UBE3B: variants seen among roughly 807,000 people sequenced by gnomAD.
UBE3B encodes the protein ubiquitin-protein ligase E3B.
UBE3B carries 80 observed loss-of-function variants against 132.3 expected under a neutral mutation model. The ratio of observed to expected loss-of-function variants is 0.60; its 90% CI spans 0.50 to 0.73. The LOEUF is 0.73. UBE3B is among the 30% of genes least tolerant of loss of function. UBE3B has a pLI of 0.00. For missense variants in UBE3B, 1,196 were observed against 1,362.5 expected (o/e 0.88, Z 1.92); for synonymous variants, 487 against 520.4 (o/e 0.94, Z 0.87).
At chr12:109,510,910 G>C (rs1192141051) in intron 17 of UBE3B, among the ~76,000 whole-genome samples, 1 of 152,144 alleles carries the variant, frequency 6.6e-6, no homozygotes, top group Non-Finnish European at 1.5e-5. Context: ...AAGCTTTATG[G>C]CAACTGCTGA....
intron 5 of UBE3B, 103 bp downstream of exon 5, chr12:109,486,174 G>A: frequency 8.2e-7 from 1 of 1,222,462 alleles, no homozygotes. Context: ...ACACACAAAT[G>A]CAAATAAGTA....
chr12:109,495,416 T>G (rs1196825978), intron 9 of UBE3B, among the ~76,000 whole-genome samples: 1 of 152,218 alleles, frequency 6.6e-6, no homozygotes, highest in Non-Finnish European at 1.5e-5. Context: ...CTCATACACT[T>G]TATTCATTTA....
rs750411366 is a variant in UBE3B, at chr12:109,497,892, T to C, written c.788T>C (p.Leu263Pro). ...ATCCACATCATGTCTGTGCCTGCTC[T>C]GGTGACTCATCTCAGCACAGTGACC... ...FLIHIMSVPA[L>P]VTHLSTVTPE... The change falls in exon 10 of 28, where the codon CTG becomes CCG. Residue 263 changes from leucine to proline, a missense_variant. By Grantham distance (98) the Leu-to-Pro change is moderately conservative. Coordinates refer to ENST00000342494, the MANE Select transcript of UBE3B (RefSeq NM_130466.4). 3 of 1,614,106 alleles carry C rather than the reference T, an allele frequency of 1.9e-6. No homozygotes were observed. Among genetic ancestry groups the C allele is most frequent in the Non-Finnish European group, 2.5e-6 (3 of 1,180,050 alleles).
chr12:109,523,899 C>T (rs570459227), intron 21 of UBE3B, 79 bp from the exon 22 acceptor site: 1 of 1,587,090 alleles, frequency 6.3e-7, no homozygotes, highest in East Asian at 2.2e-5. Flanking sequence ...TGGGCCATGT[C>T]TGCACCCTGA....
Position 109,483,953 on chromosome 12 carries a change from TC to T in UBE3B, c.256del (p.Leu86TyrfsTer19), listed in dbSNP as rs771222229. The part of the protein sequence containing the change: ...CIFKIARKLL[F>X]LFRIKEDNER... ...TTCAAGATTGCCAGGAAACTGCTGT[TC>T]CTATTCAGAATCAAAGAGGATAATG... On this transcript the variant is annotated frameshift_variant, in exon 4 of 28. Coordinates refer to ENST00000342494, the MANE Select transcript of UBE3B (RefSeq NM_130466.4). LOFTEE classifies it high-confidence loss of function. The T allele has an allele frequency of 1.9e-6, 3 of 1,613,918 alleles. No homozygotes were observed. In the African/African-American group the frequency reaches 4.0e-5, roughly 22 times the overall value.
rs1566110328 is a variant in UBE3B at position 109,524,522 on chromosome 12, T to C, written c.2568+19T>C. On this transcript the variant is annotated intron_variant, in intron 23 of 27. Coordinates refer to ENST00000342494, the MANE Select transcript of UBE3B (RefSeq NM_130466.4). ...GGGTCAGGTAGGTCCGCCCTTTGGC[T>C]GAGCTCCCTTTCCACTGCCCCCATG... 6.2e-7 allele frequency: 1 copy of C among 1,613,052 alleles called. No individual in the cohort carries two copies.
intron 14 of UBE3B, among the ~76,000 whole-genome samples, chr12:109,506,768 C>T (rs1320107582): frequency 6.6e-6 from 1 of 152,200 alleles, no homozygotes; most frequent in East Asian, 1.9e-4. Context: ...TATTTTGAGT[C>T]CTTAAGTAAG....
intron 9 of UBE3B, among the ~76,000 whole-genome samples, chr12:109,496,476 T>C (rs1878222230): frequency 6.6e-6 from 1 of 152,232 alleles, no homozygotes; most frequent in Non-Finnish European, 1.5e-5. Context: ...TTTTCCAGAG[T>C]GCCTGTGCTA....
chr12:109,530,730 T>C, intron 26 of UBE3B, 72 bp downstream of exon 26: 1 of 1,451,478 alleles, frequency 6.9e-7, no homozygotes, highest in Non-Finnish European at 9.6e-7. Flanking sequence ...ATGTAATAAT[T>C]TACGCTGAAG....
In UBE3B at chr12:109,499,148, G is replaced by C. The variant is rs937685763; in HGVS notation, c.941-485G>C. On this transcript the variant is annotated intron_variant, in intron 11 of 27. Coordinates refer to ENST00000342494, the MANE Select transcript of UBE3B (RefSeq NM_130466.4). ...TTCATGAGGAGTTTCTGGTGCGAAT[G>C]TTCACACGAGTGACGTTGACTAACT... 3.3e-5 allele frequency among the ~76,000 whole-genome samples: 5 copies of C among 152,136 alleles called. No homozygotes were observed. In the South Asian group the frequency reaches 6.2e-4, roughly 19 times the overall value.
rs575480347 is a variant in UBE3B, at chr12:109,510,438, C to T, written c.1836C>T (p.Pro612=). The change falls in exon 17 of 28, where the codon CCC becomes CCT. Residue 612 remains proline, a synonymous_variant. Transcript: ENST00000342494. ...YERDCRRRFT[P]EDHWLRKDLK... ...GGGACTGCCGGCGGCGCTTCACCCC[C>T]GAGGACCACTGGCTGCGAAAGTGAG... 66 of 1,612,160 alleles carry T rather than the reference C, an allele frequency of 4.1e-5. No homozygotes were observed. The highest frequency in any genetic ancestry group is 3.6e-4 in the South Asian group (33 of 90,494).
intron 1 of UBE3B, among the ~76,000 whole-genome samples, chr12:109,480,463 C>T (rs1299300178): frequency 1.3e-5 from 2 of 152,088 alleles, no homozygotes; most frequent in East Asian, 3.9e-4. Flanking sequence ...CCAACCTGGG[C>T]AATATAGCGA....
chr12:109,490,235 C>A, intron 8 of UBE3B: 1 of 938,904 alleles, frequency 1.1e-6, no homozygotes, highest in Non-Finnish European at 1.6e-6. Flanking sequence ...TTTTTGGCTG[C>A]AAGGGTAATC....
At chr12:109,485,746 C>T (rs908596082) in intron 4 of UBE3B, among the ~76,000 whole-genome samples, 1 of 152,260 alleles carries the variant, frequency 6.6e-6, no homozygotes, top group African/African-American at 2.4e-5. Context: ...TTGAAAGAAG[C>T]CTCAATTTGG....
chr12:109,488,783 AC>A, intron 7 of UBE3B, 115 bp downstream of exon 7: 1 of 905,242 alleles, frequency 1.1e-6, no homozygotes, highest in Non-Finnish European at 1.8e-6. Context: ...AGGCCCTGAG[AC>A]CATACAAATG....
intron 24 of UBE3B, among the ~76,000 whole-genome samples, chr12:109,527,597 A>G (rs975668336): frequency 6.6e-6 from 1 of 152,244 alleles, no homozygotes; most frequent in African/African-American, 2.4e-5. Flanking sequence ...CGTCAGGAGA[A>G]CAGACCCTGT....
chr12:109,486,689 T>C, intron 6 of UBE3B, 114 bp downstream of exon 6: 5 of 835,846 alleles, frequency 6.0e-6, no homozygotes, highest in Non-Finnish European at 9.1e-6. Context: ...GAGTTGCTAG[T>C]TGAGCCACTG....
chr12:109,478,583 C>G lies in UBE3B; in HGVS notation c.-128+474C>G, dbSNP rs532065756. Among the ~76,000 whole-genome samples, 14 of 152,268 alleles carry G rather than the reference C, an allele frequency of 9.2e-5. No individual in the cohort carries two copies. In the East Asian group the frequency reaches 1.2e-3, roughly 13 times the overall value. ...ATCACCTGAGGTCAGAAGTTCAAGA[C>G]CAGCGTGGCCAACATGGTGAAACCG... On this transcript the variant is annotated intron_variant, in intron 1 of 27. Transcript: ENST00000342494.
intron 1 of UBE3B, among the ~76,000 whole-genome samples, chr12:109,479,619 GT>G (rs1875001486): frequency 6.6e-6 from 1 of 152,172 alleles, no homozygotes; most frequent in Non-Finnish European, 1.5e-5. Flanking sequence ...TTGATTGTGT[GT>G]TTTATTAATT....
Sources: allele counts gnomAD v4.1 joint callset (sites outside exome capture counted in the v4.1 genomes callset), GRCh38; gene constraint gnomAD v4.1.1; transcripts MANE v1.5; gene names NCBI Gene and HGNC (gene_info 2026-07-23, HGNC 2026-07-21).